Variants in RNLS observed in about 807,000 individuals in gnomAD.
RNLS encodes renalase, FAD dependent amine oxidase, also known as renalase.
In RNLS, 39 loss-of-function variants were observed where a neutral mutation model predicts 39.8. That is an observed-to-expected ratio of 0.98 (90% CI 0.76 to 1.28). The LOEUF (loss-of-function observed/expected upper bound fraction) is 1.28, where lower values mean the gene tolerates loss of function less well. RNLS is among the 50% of genes most tolerant of loss of function. The pLI, the probability that RNLS is intolerant of heterozygous loss-of-function variation, is 0.00. For synonymous variants in RNLS, 147 were observed against 150.7 expected (o/e 0.98, Z 0.18); for missense variants, 410 against 413.3 (o/e 0.99, Z 0.07).
intron 4 of RNLS, among the ~76,000 whole-genome samples, chr10:88,389,819 A>T (rs1228288650): frequency 6.6e-6 from 1 of 152,208 alleles, no homozygotes; most frequent in Non-Finnish European, 1.5e-5. Flanking sequence ...AGATTCAGGG[A>T]TAGGGCATGT....
chr10:88,318,965 C>A (rs1170907380), intron 5 of RNLS, among the ~76,000 whole-genome samples: 1 of 152,188 alleles, frequency 6.6e-6, no homozygotes, highest in African/African-American at 2.4e-5. Flanking sequence ...AGCTCTTACT[C>A]TTAAGTGCCA....
chr10:88,292,242 A>C (rs1393161264), intron 6 of RNLS, among the ~76,000 whole-genome samples: 1 of 150,330 alleles, frequency 6.7e-6, no homozygotes, highest in Admixed American at 6.7e-5. Context: ...AATATGATCT[A>C]GGATGCTGCC....
chr10:88,508,799 G>A (rs1033363369), intron 4 of RNLS, among the ~76,000 whole-genome samples: 7 of 151,674 alleles, frequency 4.6e-5, no homozygotes, highest in Non-Finnish European at 1.0e-4. Context: ...GGAAAACTAC[G>A]CAAAAATTTA....
chr10:88,240,682 C>CGA, the RNLS span, among the ~76,000 whole-genome samples: 2 of 152,142 alleles, frequency 1.3e-5, no homozygotes, highest in Non-Finnish European at 2.9e-5. Context: ...TCCGCCCTCT[C>CGA]CTCTGTCTCT....
intron 3 of RNLS, among the ~76,000 whole-genome samples, chr10:88,575,994 T>C (rs577039173): frequency 1.3e-5 from 2 of 152,180 alleles, no homozygotes; most frequent in Admixed American, 6.5e-5. Flanking sequence ...GTCCACTGCA[T>C]TGAACTCTCA....
intron 5 of RNLS, among the ~76,000 whole-genome samples, chr10:88,354,084 C>A (rs1398610732): frequency 6.6e-6 from 1 of 152,162 alleles, no homozygotes; most frequent in Non-Finnish European, 1.5e-5. Flanking sequence ...CTTCCTCCAT[C>A]CCTTTATTTT....
At chr10:88,202,986 G>T in the RNLS span, among the ~76,000 whole-genome samples, 1 of 151,952 alleles carries the variant, frequency 6.6e-6, no homozygotes, top group Non-Finnish European at 1.5e-5. Flanking sequence ...GACCTTTCAA[G>T]AGGAGACCCT....
At chr10:88,200,078 A>G in the RNLS span, among the ~76,000 whole-genome samples, 3 of 152,164 alleles carry the variant, frequency 2.0e-5, no homozygotes, top group Non-Finnish European at 4.4e-5. Context: ...GCAGTGAGAC[A>G]TGATTGCACT....
the RNLS span, among the ~76,000 whole-genome samples, chr10:88,250,680 C>T: frequency 1.3e-5 from 2 of 152,018 alleles, no homozygotes; most frequent in Non-Finnish European, 2.9e-5. Context: ...ATTTTAAAAA[C>T]TTTGTGTGGA....
At chr10:88,270,792 C>T (rs1041021123), downstream of RNLS, among the ~76,000 whole-genome samples, 1 of 152,152 alleles carries the variant, frequency 6.6e-6, no homozygotes, top group Non-Finnish European at 1.5e-5. Context: ...CATACAACCC[C>T]AACTTCCAAG....
intron 4 of RNLS, among the ~76,000 whole-genome samples, chr10:88,412,118 G>C (rs1394916864): frequency 6.6e-6 from 1 of 152,070 alleles, no homozygotes; most frequent in Non-Finnish European, 1.5e-5. Flanking sequence ...CCTAGGTGGA[G>C]AGTAGAATGA....
chr10:88,232,877 C>T, the RNLS span, among the ~76,000 whole-genome samples: 43 of 152,312 alleles, frequency 2.8e-4, 1 homozygote, highest in East Asian at 8.3e-3. Flanking sequence ...ATACCAAAGA[C>T]AATAGTAGTA....
At chr10:88,172,842 GTTTTTTT>G in the RNLS span, among the ~76,000 whole-genome samples, 104 of 43,750 alleles carry the variant, frequency 2.4e-3, no homozygotes, top group East Asian at 0.018. Context: ...ATTTTGAGTT[GTTTTTTT>G]TTTTTTTTTT....
At chr10:88,238,964 C>T in the RNLS span, among the ~76,000 whole-genome samples, 3 of 152,092 alleles carry the variant, frequency 2.0e-5, no homozygotes, top group African/African-American at 7.2e-5. Flanking sequence ...TCTTAAAAGA[C>T]TCTTTGAAAT....
chr10:88,427,670 A>G lies in RNLS; in HGVS notation c.527-64945T>C, dbSNP rs576234935. 9.7e-4 allele frequency among the ~76,000 whole-genome samples: 148 copies of G among 152,170 alleles called. 5 individuals carry two copies. In the South Asian group the frequency reaches 0.027, roughly 28 times the overall value. Reference sequence around the variant, plus strand: ...ATCTACTTACTATTTGATACAAATAAAGGAAAATGTATCAACAACTCCATA... The same window carrying G: ...ATCTACTTACTATTTGATACAAATAGAGGAAAATGTATCAACAACTCCATA... On this transcript the variant is annotated intron_variant, in intron 4 of 6. Coordinates refer to ENST00000331772, the MANE Select transcript of RNLS (RefSeq NM_001031709.3).
At chr10:88,529,140 C>T (rs917914080) in intron 4 of RNLS, among the ~76,000 whole-genome samples, 1 of 152,102 alleles carries the variant, frequency 6.6e-6, no homozygotes, top group Non-Finnish European at 1.5e-5. Context: ...AAAAAATCTC[C>T]ATCCCTCCTC....
intron 4 of RNLS, among the ~76,000 whole-genome samples, chr10:88,390,696 G>A: frequency 6.6e-6 from 1 of 152,148 alleles, no homozygotes; most frequent in South Asian, 2.1e-4. Context: ...CCTTCTAGGG[G>A]ATATTTTGGA....
intron 5 of RNLS, among the ~76,000 whole-genome samples, chr10:88,330,070 GATAT>G (rs59527333): frequency 0.011 from 1,585 of 140,526 alleles, 12 homozygotes; most frequent in Middle Eastern, 0.018. Flanking sequence ...TCTGTTTTGA[GATAT>G]ATATATATAT....
rs79563179 is a variant in RNLS at position 88,401,786 on chromosome 10, G to A, written c.527-39061C>T. ...GCAGACAACATCTAAAGCAAAATGA[G>A]GTGACAGAATGTATGTGCATAAATC... is the stretch of plus-strand genomic sequence containing the variant. On this transcript the variant is annotated intron_variant, in intron 4 of 6. Coordinates refer to ENST00000331772, the MANE Select transcript of RNLS (RefSeq NM_001031709.3). Among the ~76,000 whole-genome samples the A allele has an allele frequency of 9.2e-5, 14 of 152,118 alleles. No homozygotes were observed. The East Asian group carries it at 2.5e-3, about 27-fold the overall frequency.
Sources: gnomAD v4.1 joint callset for allele counts (sites outside exome capture counted in the v4.1 genomes callset) on GRCh38, gnomAD v4.1.1 for gene constraint, MANE v1.5 for transcripts, NCBI Gene and HGNC (gene_info 2026-07-23, HGNC 2026-07-21) for gene names.